The following ATPAF1 variants were observed in gnomAD, a reference collection of about 807,000 sequenced individuals.
ATPAF1 encodes the protein ATP synthase mitochondrial F1 complex assembly factor 1.
ATPAF1 carries 26 observed loss-of-function variants against 43.9 expected under a neutral mutation model. That is an observed-to-expected ratio of 0.59 (90% CI 0.43 to 0.82). The LOEUF is 0.82. Among genes scored for constraint, ATPAF1 ranks in the 40% least tolerant of loss-of-function variants. ATPAF1 has a pLI of 0.00. For synonymous variants in ATPAF1, 157 were observed against 168.0 expected (o/e 0.93, Z 0.50); for missense variants, 366 against 435.0 (o/e 0.84, Z 1.41).
At chr1:46,657,759 T>C (rs1296145763) in intron 4 of ATPAF1, among the ~76,000 whole-genome samples, 1 of 151,968 alleles carries the variant, frequency 6.6e-6, no homozygotes, top group Non-Finnish European at 1.5e-5. Flanking sequence ...TACTTCTCCA[T>C]AATGAAAGGA....
chr1:46,658,595 G>A (rs1350659809), intron 3 of ATPAF1, 92 bp downstream of exon 3: 10 of 910,380 alleles, frequency 1.1e-5, no homozygotes, highest in Non-Finnish European at 1.7e-5. Context: ...AAATCACTGA[G>A]CCACAGTACT....
intron 2 of ATPAF1, among the ~76,000 whole-genome samples, chr1:46,661,835 C>T (rs1227109453): frequency 6.6e-6 from 1 of 151,774 alleles, no homozygotes; most frequent in Non-Finnish European, 1.5e-5. Flanking sequence ...TACCTAAGAG[C>T]TGCCACAATT....
At chr1:46,645,349 T>C in intron 6 of ATPAF1, 93 bp from the exon 7 acceptor site, 1 of 1,058,456 alleles carries the variant, frequency 9.4e-7, no homozygotes, top group Non-Finnish European at 1.4e-6. Context: ...ATTTCCTCCA[T>C]ATTTGGTTTT....
rs1433382571 is a variant in ATPAF1 at position 46,653,254 on chromosome 1, C to T, written c.540+563G>A. 6.6e-6 allele frequency among the ~76,000 whole-genome samples: 1 copy of T among 152,008 alleles called. No individual in the cohort carries two copies. The highest frequency in any genetic ancestry group is 1.9e-4 in the East Asian group (1 of 5,176). On this transcript the variant is annotated intron_variant, in intron 5 of 8. Coordinates refer to ENST00000574428, the Ensembl canonical transcript of ATPAF1. This position sits in a 1 kb window ranked among gnomAD's most constrained non-coding sequence, Gnocchi z 4.8. ...GATGCTTTATTATAGTGAAGGCCAG[C>T]AAAACATTAAACCAGAGAAGCCAGC...
At chr1:46,655,708 T>C (rs1471015131) in intron 4 of ATPAF1, among the ~76,000 whole-genome samples, 1 of 152,136 alleles carries the variant, frequency 6.6e-6, no homozygotes, top group East Asian at 1.9e-4. Context: ...TGGCTCTGAC[T>C]AGAAAGCCTC....
intron 6 of ATPAF1, among the ~76,000 whole-genome samples, chr1:46,647,609 G>A (rs1170701714): frequency 6.6e-6 from 1 of 152,134 alleles, no homozygotes; most frequent in Non-Finnish European, 1.5e-5. Flanking sequence ...AAATAAAGCT[G>A]CTTGAATATT....
At chr1:46,645,915 C>T (rs573984824) in intron 6 of ATPAF1, among the ~76,000 whole-genome samples, 2 of 152,302 alleles carry the variant, frequency 1.3e-5, no homozygotes, top group African/African-American at 4.8e-5. Context: ...TGGCTCACAC[C>T]TGTAATTCCA....
rs1234625338 is a variant in ATPAF1, at chr1:46,652,634, G to A, written c.541-6C>T. ...ATCAAATCAAACTTTTCTGCCTGTA[G>A]GTTGGAAAAGAATAAAGTTAACCTA... On this transcript the variant is annotated splice_region_variant and splice_polypyrimidine_tract_variant and intron_variant, in intron 5 of 8. Transcript: ENST00000574428. 1 of 1,611,750 alleles carries A rather than the reference G, an allele frequency of 6.2e-7. No homozygotes were observed. Among genetic ancestry groups the A allele is most frequent in the East Asian group, 2.2e-5 (1 of 44,814 alleles).
chr1:46,666,642 T>C (rs637760), intron 1 of ATPAF1, among the ~76,000 whole-genome samples: 61,292 of 152,164 alleles, frequency 0.4, 14,228 homozygotes, highest in East Asian at 0.78. Context: ...TTTGTTTATG[T>C]TGCTGCTCCC....
intron 8 of ATPAF1, among the ~76,000 whole-genome samples, chr1:46,638,972 C>T (rs1033517517): frequency 3.9e-5 from 6 of 152,348 alleles, no homozygotes; most frequent in Non-Finnish European, 8.8e-5. Context: ...TTTCCTCCAT[C>T]TCTATACCAC....
intron 6 of ATPAF1, among the ~76,000 whole-genome samples, chr1:46,648,175 G>A (rs1362901609): frequency 2.0e-5 from 3 of 152,098 alleles, no homozygotes; most frequent in Non-Finnish European, 2.9e-5. Context: ...GCTGTGGTGT[G>A]ACCTCGGCTC....
In ATPAF1 at chr1:46,668,113, C is replaced by G. The variant is rs1569648357; in HGVS notation, c.210G>C (p.Glu70Asp). The change falls in exon 1 of 9, where the codon GAG becomes GAC. Residue 70 changes from glutamate (E) to aspartate (D), a missense_variant. Physicochemically the swap from Glu to Asp is conservative, Grantham distance 45. Coordinates refer to ENST00000574428, the Ensembl canonical transcript of ATPAF1. The surrounding 1 kb of genome is among the most constrained non-coding windows in gnomAD (Gnocchi z 4.4). ...GGTCGTAGAAAGGGTTGGCCTGGAGCTCGGCCTCGGCCCCGACCCCGCTGC... is the reference window on the plus strand; with the variant it reads ...GGTCGTAGAAAGGGTTGGCCTGGAGGTCGGCCTCGGCCCCGACCCCGCTGC... The G allele has an allele frequency of 8.3e-6, 12 of 1,444,628 alleles. No individual in the cohort carries two copies. The East Asian group carries it at 3.7e-4, about 44-fold the overall frequency. 89.5% of individuals were successfully genotyped at this position (1,444,628 alleles called of 1,614,324 possible).
chr1:46,645,134 T>G (rs775607318), intron 7 of ATPAF1, 27 bp downstream of exon 7: 29 of 1,580,556 alleles, frequency 1.8e-5, no homozygotes, highest in Non-Finnish European at 2.0e-5. Context: ...TCCTCTTTCC[T>G]CTAGAGGAAG....
At chr1:46,658,130 T>C (rs1225398710) in exon 4 of ATPAF1, 1 of 1,611,362 alleles carries the variant, frequency 6.2e-7, no homozygotes, top group Non-Finnish European at 8.5e-7. Context: ...TCATTACCTG[T>C]TTTATTTCTT....
Position 46,668,316 on chromosome 1 carries a change from C to G in ATPAF1, c.7G>C (p.Ala3Pro), listed in dbSNP as rs1676530642. Residue 3 changes from alanine to proline, a missense_variant, in exon 1 of 9, where the codon GCT (alanine) becomes CCT (proline). By Grantham distance (27) the Ala-to-Pro change is conservative. Around this residue, in one of 2 missense-constraint regions of ATPAF1, gnomAD observed 186 missense variants for 168.5 expected, o/e 1.10. Coordinates refer to ENST00000574428, the Ensembl canonical transcript of ATPAF1. This position sits in a 1 kb window ranked among gnomAD's most constrained non-coding sequence, Gnocchi z 4.4. ...CCACCCGCAGCCGCCACCACCACAGCAGCCATGGCCGCCCCCGCCTCCTCC... is the reference window on the plus strand; with the variant it reads ...CCACCCGCAGCCGCCACCACCACAGGAGCCATGGCCGCCCCCGCCTCCTCC... 1 of 1,368,186 alleles carries G rather than the reference C, an allele frequency of 7.3e-7. No homozygotes were observed. 84.8% of individuals were successfully genotyped at this position (1,368,186 alleles called of 1,614,324 possible).
intron 6 of ATPAF1, among the ~76,000 whole-genome samples, chr1:46,647,285 C>T (rs987168038): frequency 2.0e-5 from 3 of 152,042 alleles, no homozygotes; most frequent in Non-Finnish European, 4.4e-5. Context: ...GTATTGCAGC[C>T]ACCCAATACG....
At chr1:46,667,502 C>T (rs1676510779) in intron 1 of ATPAF1, among the ~76,000 whole-genome samples, 1 of 152,202 alleles carries the variant, frequency 6.6e-6, no homozygotes, top group Admixed American at 6.5e-5. Flanking sequence ...AAATCCCAAA[C>T]AGCTGTGTGA....
At chr1:46,655,464 TAAAATTTGAAAATTAG>T (rs1041580920) in intron 4 of ATPAF1, among the ~76,000 whole-genome samples, 19 of 152,132 alleles carry the variant, frequency 1.2e-4, no homozygotes, top group African/African-American at 4.1e-4. Flanking sequence ...AATTATATAA[TAAAATTTGAAAATTAG>T]AAAACAGGGA....
At chr1:46,656,094 G>A (rs1028090447) in intron 4 of ATPAF1, among the ~76,000 whole-genome samples, 1 of 152,176 alleles carries the variant, frequency 6.6e-6, no homozygotes, top group African/African-American at 2.4e-5. Context: ...CTTAACCCAG[G>A]GTAGGGAAGA....
Sources: allele counts gnomAD v4.1 joint callset (sites outside exome capture counted in the v4.1 genomes callset), GRCh38; gene constraint gnomAD v4.1.1; regional missense constraint gnomAD v4.1.1; non-coding constraint Gnocchi (gnomAD v3.1); transcripts MANE v1.5; gene names NCBI Gene and HGNC (gene_info 2026-07-23, HGNC 2026-07-21).